COL5A2: variants seen among roughly 807,000 people sequenced by gnomAD.
COL5A2 encodes collagen alpha-2(V) chain.
Under a neutral mutation model 208.2 loss-of-function variants are expected in COL5A2, and 23 were observed. The observed-to-expected ratio is 0.11, with a 90% CI of 0.08 to 0.16. COL5A2 has a LOEUF of 0.16. Among genes scored for constraint, COL5A2 ranks in the 10% least tolerant of loss-of-function variants. COL5A2 has a pLI of 1.00. For synonymous variants in COL5A2, 625 were observed against 628.5 expected, an observed-to-expected ratio of 0.99 and a Z score of 0.08; for missense variants, 1,590 against 1,956.4, an observed-to-expected ratio of 0.81 and a Z score of 3.53.
chr2:189,120,830 C>T (rs1332403246), intron 1 of COL5A2, among the ~76,000 whole-genome samples: 1 of 152,176 alleles, frequency 6.6e-6, no homozygotes, highest in Non-Finnish European at 1.5e-5. Flanking sequence ...CTTCCAACAC[C>T]TTTGGCATTA....
At chr2:189,037,869 A>G (rs1238215710) in intron 51 of COL5A2, among the ~76,000 whole-genome samples, 1 of 152,186 alleles carries the variant, frequency 6.6e-6, no homozygotes, top group Admixed American at 6.5e-5. Flanking sequence ...ATGCAAGTAA[A>G]TAAATATTTT....
rs530643338 is a variant in COL5A2 at position 189,053,494 on chromosome 2, A to G, written c.2500-17T>C. On this transcript the variant is annotated splice_polypyrimidine_tract_variant and intron_variant, in intron 37 of 53. Transcript: ENST00000374866. ...TCGAGAACCCTAGGAGGAGACAAAG[A>G]TTACTGTAGCTTTCACACATTATCC... is the stretch of plus-strand genomic sequence containing the variant. The G allele has an allele frequency of 9.3e-6, 15 of 1,610,522 alleles. No individual in the cohort carries two copies. The South Asian group carries it at 1.5e-4, about 17-fold the overall frequency.
chr2:189,085,992 G>C (rs1355947493), intron 9 of COL5A2, among the ~76,000 whole-genome samples: 1 of 152,036 alleles, frequency 6.6e-6, no homozygotes, highest in African/African-American at 2.4e-5. Context: ...GGCTGCTGAA[G>C]TAATTAATGT....
At chr2:189,059,912 C>G (rs1405356554) in intron 31 of COL5A2, among the ~76,000 whole-genome samples, 1 of 152,022 alleles carries the variant, frequency 6.6e-6, no homozygotes, top group African/African-American at 2.4e-5. Flanking sequence ...CTTCCCATTA[C>G]TCTAATGATG....
intron 1 of COL5A2, among the ~76,000 whole-genome samples, chr2:189,168,132 G>A (rs745456147): frequency 6.6e-5 from 10 of 151,776 alleles, no homozygotes; most frequent in Non-Finnish European, 1.0e-4. Flanking sequence ...TAGAGACGGG[G>A]GTTTCACTGT....
the COL5A2 span, among the ~76,000 whole-genome samples, chr2:189,310,289 T>C: frequency 6.6e-6 from 1 of 152,078 alleles, no homozygotes; most frequent in African/African-American, 2.4e-5. Context: ...AAATAAGACA[T>C]ACAAATGGCA....
intron 16 of COL5A2, 50 bp from the exon 17 acceptor site, chr2:189,075,487 A>G (rs779920512): frequency 2.8e-6 from 4 of 1,443,380 alleles, no homozygotes; most frequent in African/African-American, 1.4e-5. Context: ...ATTTTAGACT[A>G]TATTTTCTCT....
At chr2:189,050,713 A>C (rs1187741285) in intron 42 of COL5A2, 37 bp from the exon 43 acceptor site, 1 of 1,502,206 alleles carries the variant, frequency 6.7e-7, no homozygotes, top group African/African-American at 1.4e-5. Flanking sequence ...GAAACTATCC[A>C]GGGTAAAACT....
chr2:189,339,978 C>T, the COL5A2 span, among the ~76,000 whole-genome samples: 1 of 152,106 alleles, frequency 6.6e-6, no homozygotes. Context: ...CCAGTTTTAG[C>T]CCCTTCTTTC....
the COL5A2 span, among the ~76,000 whole-genome samples, chr2:189,361,360 T>C: frequency 6.6e-6 from 1 of 152,302 alleles, no homozygotes; most frequent in African/African-American, 2.4e-5. Flanking sequence ...TATTATATAA[T>C]GGCCTTCTTT....
chr2:189,248,621 C>A, the COL5A2 span, among the ~76,000 whole-genome samples: 2 of 152,102 alleles, frequency 1.3e-5, no homozygotes, highest in Non-Finnish European at 1.5e-5. Flanking sequence ...GAAAAAACTA[C>A]AAATTCTTTC....
At chr2:189,405,433 T>C in the COL5A2 span, among the ~76,000 whole-genome samples, 2 of 152,138 alleles carry the variant, frequency 1.3e-5, no homozygotes, top group African/African-American at 4.8e-5. Flanking sequence ...GGTTTCACCA[T>C]GTTGGTCAGG....
chr2:189,215,570 A>G (rs1441856612), intron 1 of COL5A2, among the ~76,000 whole-genome samples: 2 of 152,056 alleles, frequency 1.3e-5, no homozygotes, highest in Non-Finnish European at 2.9e-5. Context: ...TAATGTGGCC[A>G]CCAGAAAACT....
chr2:189,178,950 T>G (rs1330369372), intron 1 of COL5A2, among the ~76,000 whole-genome samples: 2 of 152,068 alleles, frequency 1.3e-5, no homozygotes, highest in Admixed American at 1.3e-4. Context: ...GCAAAAGTGA[T>G]CACATTTTCA....
At chr2:189,077,538 C>T (rs1340070856) in intron 16 of COL5A2, among the ~76,000 whole-genome samples, 1 of 152,078 alleles carries the variant, frequency 6.6e-6, no homozygotes, top group Non-Finnish European at 1.5e-5. Context: ...GTCAGACCTC[C>T]CTTGGCAGAC....
At chr2:189,049,223 C>A (rs1331426599) in intron 44 of COL5A2, 124 bp downstream of exon 44, 1 of 736,468 alleles carries the variant, frequency 1.4e-6, no homozygotes. Context: ...CATCAAATAA[C>A]ATTACTAAGA....
chr2:189,100,156 A>G lies in COL5A2; in HGVS notation c.337-17T>C. 15 of 1,606,506 alleles carry G rather than the reference A, an allele frequency of 9.3e-6. No individual in the cohort carries two copies. The highest frequency in any genetic ancestry group is 1.3e-5 in the Non-Finnish European group (15 of 1,173,366). On this transcript the variant is annotated splice_polypyrimidine_tract_variant and intron_variant, in intron 3 of 53. Coordinates refer to ENST00000374866, the MANE Select transcript of COL5A2 (RefSeq NM_000393.5). Reference sequence around the variant, plus strand: ...CTTTTGTCCCTGTGACATTAAAAACAATTCAAAAATTCAATTAGCACAATA... The same window carrying G: ...CTTTTGTCCCTGTGACATTAAAAACGATTCAAAAATTCAATTAGCACAATA...
At chr2:189,289,518 C>T in the COL5A2 span, among the ~76,000 whole-genome samples, 1 of 151,984 alleles carries the variant, frequency 6.6e-6, no homozygotes, top group Non-Finnish European at 1.5e-5. Context: ...CAACATAGTA[C>T]TAAAAGTTCT....
intron 1 of COL5A2, among the ~76,000 whole-genome samples, chr2:189,202,697 G>C (rs1689093644): frequency 6.6e-6 from 1 of 152,096 alleles, no homozygotes; most frequent in East Asian, 1.9e-4. Flanking sequence ...ATAATACTAT[G>C]GGCATGATGA....
Sources: gnomAD v4.1 joint callset for allele counts (sites outside exome capture counted in the v4.1 genomes callset) on GRCh38, gnomAD v4.1.1 for gene constraint, MANE v1.5 for transcripts, NCBI Gene and HGNC (gene_info 2026-07-23, HGNC 2026-07-21) for gene names.